The following MCF2L2 variants were observed in gnomAD, a reference collection of about 807,000 sequenced individuals.
The protein encoded by MCF2L2 is probable guanine nucleotide exchange factor MCF2L2.
A neutral mutation model predicts 150.2 loss-of-function variants in MCF2L2; 102 were observed. The ratio of observed to expected loss-of-function variants is 0.68; its 90% CI spans 0.58 to 0.80. The LOEUF (loss-of-function observed/expected upper bound fraction) is 0.80. MCF2L2 is among the 30% of genes least tolerant of loss of function. The pLI is 0.00. For synonymous variants in MCF2L2, 465 were observed against 491.3 expected, an observed-to-expected ratio of 0.95 and a Z score of 0.71; for missense variants, 1,256 against 1,372.8, an observed-to-expected ratio of 0.91 and a Z score of 1.34.
Position 183,179,541 on chromosome 3 carries a change from CA to C in MCF2L2, c.3221+35del. On this transcript the variant is annotated intron_variant, in intron 29 of 29. Coordinates refer to ENST00000328913, the MANE Select transcript of MCF2L2 (RefSeq NM_015078.4). This position sits in a 1 kb window ranked among gnomAD's most constrained non-coding sequence, Gnocchi z 4.2. ...GAAGAAAGTCAGAGACGCCGTGGCCCAAAGAGGCGCTTAGTCTTTCCTCGCT... is the reference window on the plus strand; with the variant it reads ...GAAGAAAGTCAGAGACGCCGTGGCCCAAGAGGCGCTTAGTCTTTCCTCGCT... 1 of 1,612,288 alleles carries C rather than the reference CA, an allele frequency of 6.2e-7. No individual in the cohort carries two copies. Among genetic ancestry groups the C allele is most frequent in the Non-Finnish European group, 8.5e-7 (1 of 1,178,890 alleles).
At chr3:183,253,981 C>G (rs956732751) in intron 15 of MCF2L2, 10 of 152,116 alleles carry the variant, frequency 6.6e-5, no homozygotes, top group Non-Finnish European at 1.2e-4. Context: ...ACGGATGGTT[C>G]GTTCTCCGTG....
chr3:183,381,659 T>C (rs762617511), intron 2 of MCF2L2, among the ~76,000 whole-genome samples: 3 of 152,198 alleles, frequency 2.0e-5, no homozygotes, highest in Admixed American at 6.5e-5. Context: ...AACGAAACCA[T>C]GTGAGATTTG....
chr3:183,375,804 G>A (rs1373895891), intron 3 of MCF2L2: 1 of 152,154 alleles, frequency 6.6e-6, no homozygotes, highest in Non-Finnish European at 1.5e-5. Flanking sequence ...TTTTGCAATT[G>A]GGAAGGACTC....
chr3:183,307,945 C>T (rs1411650480), intron 10 of MCF2L2, among the ~76,000 whole-genome samples: 1 of 152,266 alleles, frequency 6.6e-6, no homozygotes, highest in Non-Finnish European at 1.5e-5. Flanking sequence ...TGCTTTGATA[C>T]TATTCCCTAA....
At chr3:183,193,424 C>T (rs1392158033) in intron 26 of MCF2L2, among the ~76,000 whole-genome samples, 2 of 150,734 alleles carry the variant, frequency 1.3e-5, no homozygotes, top group Non-Finnish European at 2.9e-5. Flanking sequence ...AATCTTGGCT[C>T]ACTGCAAGCT....
At chr3:183,333,467 C>A (rs1730347693) in intron 5 of MCF2L2, among the ~76,000 whole-genome samples, 1 of 152,124 alleles carries the variant, frequency 6.6e-6, no homozygotes, top group Non-Finnish European at 1.5e-5. Flanking sequence ...TCCCCCTTCC[C>A]ACTTACTCCC....
In MCF2L2 at chr3:183,207,730, G is replaced by C. The variant is rs771665921; in HGVS notation, c.2590C>G (p.Arg864Gly). Residue 864 changes from arginine to glycine, a missense_variant, in exon 23 of 30, where the codon CGA (arginine) becomes GGA (glycine). Coordinates refer to ENST00000328913, the MANE Select transcript of MCF2L2 (RefSeq NM_015078.4). ...ATTTGCCTCTGGCTGGGTTTAAATC[G>C]AATCAAATCCTTCATTTTATAACGA... ...KDRYKMKDLIRFKPSQRQIYL... is the reference protein window; with the variant it reads ...KDRYKMKDLIGFKPSQRQIYL... 1.9e-6 allele frequency: 3 copies of C among 1,614,074 alleles called. No individual in the cohort carries two copies. Among genetic ancestry groups the C allele is most frequent in the Non-Finnish European group, 2.5e-6 (3 of 1,179,998 alleles).
At chr3:183,414,875 G>C (rs1715507811) in intron 1 of MCF2L2, among the ~76,000 whole-genome samples, 1 of 151,986 alleles carries the variant, frequency 6.6e-6, no homozygotes, top group South Asian at 2.1e-4. Context: ...TTCTGTTGTT[G>C]ATTTCTAATT....
At chr3:183,222,430 A>G (rs1041577404) in intron 20 of MCF2L2, among the ~76,000 whole-genome samples, 2 of 152,152 alleles carry the variant, frequency 1.3e-5, no homozygotes, top group Non-Finnish European at 2.9e-5. Context: ...CGTGCCTGTA[A>G]TCTCAGCTAC....
chr3:183,423,980 T>C (rs529621813), intron 1 of MCF2L2, among the ~76,000 whole-genome samples: 124 of 152,194 alleles, frequency 8.1e-4, no homozygotes, highest in Non-Finnish European at 1.6e-3. Flanking sequence ...ATGTGAGCCA[T>C]ATGTGCCCTG....
intron 4 of MCF2L2, 28 bp from the exon 5 acceptor site, chr3:183,338,947 G>A (rs750670425): frequency 9.5e-6 from 15 of 1,584,264 alleles, no homozygotes; most frequent in Non-Finnish European, 1.2e-5. Context: ...AGTGTCAGGA[G>A]GAGAGAGAAA....
At chr3:183,385,470 G>C (rs924310834) in intron 2 of MCF2L2, among the ~76,000 whole-genome samples, 2 of 152,174 alleles carry the variant, frequency 1.3e-5, no homozygotes, top group African/African-American at 4.8e-5. Flanking sequence ...GTGTGTATGA[G>C]GTGAAACTGG....
In MCF2L2 at chr3:183,258,019, G is replaced by A. The variant is rs373839427; in HGVS notation, c.1862+18853C>T. Among the ~76,000 whole-genome samples, 51 of 129,612 alleles carry A rather than the reference G, an allele frequency of 3.9e-4. 3 individuals carry two copies. The highest frequency in any genetic ancestry group is 2.1e-3 in the Admixed American group (24 of 11,574). 85.0% of individuals were successfully genotyped at this position (129,612 alleles called of 152,430 possible). Reference sequence around the variant, plus strand: ...GTCTCGCTCTGTTGCCCAGGCTGGAGTGCAATGGTGCCATCTCGGCTCACC... The same window carrying A: ...GTCTCGCTCTGTTGCCCAGGCTGGAATGCAATGGTGCCATCTCGGCTCACC... On this transcript the variant is annotated intron_variant, in intron 15 of 29. Transcript: ENST00000328913.
chr3:183,269,996 C>T, intron 15 of MCF2L2: 2 of 1,614,138 alleles, frequency 1.2e-6, no homozygotes, highest in Non-Finnish European at 1.7e-6. Flanking sequence ...CTCTTAAGCA[C>T]ACCTCAGCGG....
At chr3:183,195,470 A>G (rs982554929) in intron 25 of MCF2L2, among the ~76,000 whole-genome samples, 5 of 152,048 alleles carry the variant, frequency 3.3e-5, no homozygotes, top group Admixed American at 1.3e-4. Flanking sequence ...CAACGTCTCT[A>G]CCCCATCCTG....
At chr3:183,262,440 A>AT (rs972690375) in intron 15 of MCF2L2, among the ~76,000 whole-genome samples, 7 of 151,948 alleles carry the variant, frequency 4.6e-5, no homozygotes, top group East Asian at 1.9e-4. Context: ...TTCACTGTGG[A>AT]TTTTTTTCAG....
intron 15 of MCF2L2, among the ~76,000 whole-genome samples, chr3:183,255,310 C>G (rs1724943254): frequency 6.6e-6 from 1 of 152,230 alleles, no homozygotes; most frequent in Non-Finnish European, 1.5e-5. Flanking sequence ...TTATAACTTT[C>G]TCAAAATAAA....
In MCF2L2 at chr3:183,180,083, G is replaced by C. The variant is rs1045070169; in HGVS notation, c.3093C>G (p.Ser1031Arg). Reference protein sequence around the residue: ...CEGAEDMEKESSALSLAGLFQ... With the variant: ...CEGAEDMEKERSALSLAGLFQ... Reference sequence around the variant, plus strand: ...GGGAAGTAATTACACTCAGAGCACTGCTCTCCTTTTCCATGTCTTCTGCGC... The same window carrying C: ...GGGAAGTAATTACACTCAGAGCACTCCTCTCCTTTTCCATGTCTTCTGCGC... The change falls in exon 28 of 30, where the codon AGC becomes AGG. Residue 1031 changes from serine (S) to arginine (R), a missense_variant. By Grantham distance (110) the Ser-to-Arg change is moderately radical. Transcript: ENST00000328913. 4 of 1,613,418 alleles carry C rather than the reference G, an allele frequency of 2.5e-6. No individual in the cohort carries two copies. Among genetic ancestry groups the C allele is most frequent in the African/African-American group, 1.3e-5 (1 of 74,930 alleles).
At chr3:183,380,390 G>C (rs1713450149) in intron 2 of MCF2L2, among the ~76,000 whole-genome samples, 1 of 152,092 alleles carries the variant, frequency 6.6e-6, no homozygotes, top group African/African-American at 2.4e-5. Flanking sequence ...AACTACTTGA[G>C]GTAGTTCCCT....
Sources: gnomAD v4.1 joint callset for allele counts (sites outside exome capture counted in the v4.1 genomes callset) on GRCh38, gnomAD v4.1.1 for gene constraint, Gnocchi (gnomAD v3.1) non-coding constraint, MANE v1.5 for transcripts, NCBI Gene and HGNC (gene_info 2026-07-23, HGNC 2026-07-21) for gene names.